The following RIC8B variants were observed in gnomAD, a reference collection of about 807,000 sequenced individuals.
RIC8B encodes the protein RIC8 guanine nucleotide exchange factor B, also known as chaperone Ric-8B.
RIC8B carries 16 observed loss-of-function variants against 57.5 expected under a neutral mutation model. That is an observed-to-expected ratio of 0.28 (90% CI 0.19 to 0.42). RIC8B has a LOEUF of 0.42. Ranked by LOEUF, RIC8B falls within the 10% of genes least tolerant of loss-of-function variation. RIC8B has a pLI of 1.00. For missense variants in RIC8B, 481 were observed against 677.0 expected, an observed-to-expected ratio of 0.71 and a Z score of 3.21; for synonymous variants, 216 against 250.8, an observed-to-expected ratio of 0.86 and a Z score of 1.31.
intron 3 of RIC8B, chr12:106,823,546 T>G (rs764950360): frequency 7.0e-6 from 3 of 429,874 alleles, no homozygotes; most frequent in Non-Finnish European, 1.4e-5. Flanking sequence ...AGAGAAAGAT[T>G]ATTATATCTA....
chr12:106,800,406 C>T (rs951810105), intron 2 of RIC8B, among the ~76,000 whole-genome samples: 1 of 152,018 alleles, frequency 6.6e-6, no homozygotes, highest in African/African-American at 2.4e-5. Flanking sequence ...CCAGATCTCA[C>T]GAGAACTCAG....
chr12:106,805,595 C>T (rs185308233), intron 2 of RIC8B, among the ~76,000 whole-genome samples: 39 of 152,306 alleles, frequency 2.6e-4, no homozygotes, highest in African/African-American at 8.9e-4. Flanking sequence ...ACTGCAACAA[C>T]CACTTAACTG....
intron 2 of RIC8B, among the ~76,000 whole-genome samples, chr12:106,795,575 T>C (rs1437702943): frequency 1.3e-5 from 2 of 152,166 alleles, no homozygotes; most frequent in Non-Finnish European, 2.9e-5. Flanking sequence ...CTCATCTTAT[T>C]ATGCAAATGA....
At chr12:106,785,681 G>A (rs572926242) in intron 2 of RIC8B, among the ~76,000 whole-genome samples, 3 of 152,138 alleles carry the variant, frequency 2.0e-5, no homozygotes, top group African/African-American at 4.8e-5. Flanking sequence ...CTCAACTAGG[G>A]ATATGCTCTT....
chr12:106,788,060 A>G (rs1240118121), intron 2 of RIC8B, among the ~76,000 whole-genome samples: 2 of 152,200 alleles, frequency 1.3e-5, no homozygotes, highest in Non-Finnish European at 2.9e-5. Flanking sequence ...CAGTGGGGGT[A>G]CAGGCATTGG....
At chr12:106,865,268 T>C (rs749959570) in intron 8 of RIC8B, among the ~76,000 whole-genome samples, 35 of 152,234 alleles carry the variant, frequency 2.3e-4, no homozygotes, top group Non-Finnish European at 3.7e-4. Flanking sequence ...ACAACACTTA[T>C]TATTTTCTGG....
At chr12:106,778,765 C>T (rs945357338) in intron 1 of RIC8B, among the ~76,000 whole-genome samples, 1 of 152,156 alleles carries the variant, frequency 6.6e-6, no homozygotes, top group Non-Finnish European at 1.5e-5. Flanking sequence ...GTTTCTTTTT[C>T]AGGAGTGGTA....
In RIC8B at chr12:106,843,572, A is replaced by G. The variant is rs181851314; in HGVS notation, c.1066-280A>G. Among the ~76,000 whole-genome samples, 4 of 151,986 alleles carry G rather than the reference A, an allele frequency of 2.6e-5. No individual in the cohort carries two copies. In the East Asian group the frequency reaches 7.8e-4, roughly 30 times the overall value. On this transcript the variant is annotated intron_variant, in intron 5 of 9. Transcript: ENST00000392837. The stretch of plus-strand genomic sequence containing the variant: ...CCCATCTCTACTAAAAGTACAAAAA[A>G]TTAGCCAGGTGTGGTGGTGGGCACC...
intron 2 of RIC8B, among the ~76,000 whole-genome samples, chr12:106,799,285 C>T (rs2044622336): frequency 6.6e-6 from 1 of 152,166 alleles, no homozygotes. Flanking sequence ...GTTTCTTGAT[C>T]TGTTTGTCCA....
At chr12:106,885,842 A>C (rs1184212928) in intron 9 of RIC8B, 62 bp from the exon 10 acceptor site, 3 of 766,034 alleles carry the variant, frequency 3.9e-6, no homozygotes, top group South Asian at 1.9e-5. Flanking sequence ...GGTGGGGGGG[A>C]GGGGTGTGTG....
intron 8 of RIC8B, among the ~76,000 whole-genome samples, chr12:106,866,705 A>AT: frequency 6.6e-6 from 1 of 152,238 alleles, no homozygotes. Flanking sequence ...AAATAATTTA[A>AT]TTACTTAGCA....
At chr12:106,851,642 T>C in intron 7 of RIC8B, 48 bp downstream of exon 7, 1 of 1,535,998 alleles carries the variant, frequency 6.5e-7, no homozygotes, top group Non-Finnish European at 9.0e-7. Context: ...CAGAGGGACT[T>C]TGAGAAATTT....
intron 2 of RIC8B, among the ~76,000 whole-genome samples, chr12:106,809,160 G>A (rs1316301030): frequency 6.6e-6 from 1 of 152,206 alleles, no homozygotes; most frequent in Non-Finnish European, 1.5e-5. Context: ...GGAATCAGAT[G>A]ATCCGGATTG....
intron 9 of RIC8B, among the ~76,000 whole-genome samples, chr12:106,872,243 G>A (rs1018418337): frequency 2.6e-5 from 4 of 152,292 alleles, no homozygotes; most frequent in Admixed American, 2.6e-4. Flanking sequence ...AGAAGATACC[G>A]ATAGGGCAAA....
intron 2 of RIC8B, among the ~76,000 whole-genome samples, chr12:106,811,040 A>G (rs1657959807): frequency 6.6e-6 from 1 of 152,230 alleles, no homozygotes; most frequent in African/African-American, 2.4e-5. Context: ...GGGTTGAACA[A>G]ATTTCAAGCC....
intron 2 of RIC8B, among the ~76,000 whole-genome samples, chr12:106,805,509 C>A (rs914011101): frequency 2.0e-5 from 3 of 151,652 alleles, no homozygotes; most frequent in Non-Finnish European, 2.9e-5. Flanking sequence ...ACAACAACAA[C>A]AAAAAAAACC....
intron 3 of RIC8B, among the ~76,000 whole-genome samples, chr12:106,821,560 A>G (rs1340794021): frequency 6.6e-6 from 1 of 152,212 alleles, no homozygotes; most frequent in African/African-American, 2.4e-5. Context: ...TATCTCATGC[A>G]AGTCAAACAT....
chr12:106,813,144 A>C (rs2045411206), intron 2 of RIC8B, among the ~76,000 whole-genome samples: 1 of 151,662 alleles, frequency 6.6e-6, no homozygotes, highest in Non-Finnish European at 1.5e-5. Flanking sequence ...GATGTCTTCA[A>C]GTATACAGTA....
chr12:106,868,637 T>C (rs2136570299), intron 8 of RIC8B, among the ~76,000 whole-genome samples: 1 of 152,136 alleles, frequency 6.6e-6, no homozygotes, highest in East Asian at 1.9e-4. Context: ...TTCTTGACTT[T>C]TAGGAAATAC....
Sources: gnomAD v4.1 joint callset for allele counts (sites outside exome capture counted in the v4.1 genomes callset) on GRCh38, gnomAD v4.1.1 for gene constraint, MANE v1.5 for transcripts, NCBI Gene and HGNC (gene_info 2026-07-23, HGNC 2026-07-21) for gene names.